HECW1: variants seen among roughly 807,000 people sequenced by gnomAD.
HECW1 encodes E3 ubiquitin-protein ligase HECW1.
In HECW1, 61 loss-of-function variants were observed where a neutral mutation model predicts 182.3. That is an observed-to-expected ratio of 0.33 (90% CI 0.27 to 0.41). HECW1 has a LOEUF of 0.41. Among genes scored for constraint, HECW1 ranks in the 10% least tolerant of loss-of-function variants. HECW1 has a pLI of 1.00. For missense variants in HECW1, 1,739 were observed against 2,108.9 expected (o/e 0.82, Z 3.44); for synonymous variants, 859 against 832.6 (o/e 1.03, Z -0.55).
chr7:43,312,993 G>T (rs78862114), intron 4 of HECW1, among the ~76,000 whole-genome samples: 1 of 152,116 alleles, frequency 6.6e-6, no homozygotes, highest in African/African-American at 2.4e-5. Context: ...ACACAACACC[G>T]GATTTAACAT....
chr7:43,237,874 T>G, intron 2 of HECW1, among the ~76,000 whole-genome samples: 1 of 149,682 alleles, frequency 6.7e-6, no homozygotes, highest in African/African-American at 2.5e-5. Context: ...AAGCGCTGAG[T>G]AGGACTTAGT....
At chr7:43,199,535 G>T (rs1794841784) in intron 2 of HECW1, among the ~76,000 whole-genome samples, 1 of 151,982 alleles carries the variant, frequency 6.6e-6, no homozygotes, top group South Asian at 2.1e-4. Flanking sequence ...ATAACCCTCT[G>T]GCAGGAAGTC....
At chr7:43,410,231 C>T (rs1319935923) in intron 8 of HECW1, among the ~76,000 whole-genome samples, 1 of 152,086 alleles carries the variant, frequency 6.6e-6, no homozygotes, top group African/African-American at 2.4e-5. Context: ...CTCAAAGTTC[C>T]GAAGCTGGGA....
chr7:43,393,292 T>A (rs2075108949), intron 6 of HECW1, among the ~76,000 whole-genome samples: 1 of 152,204 alleles, frequency 6.6e-6, no homozygotes. Context: ...GCCATGTCCC[T>A]GGCAGGCCTG....
intron 5 of HECW1, among the ~76,000 whole-genome samples, chr7:43,356,219 T>A (rs538123111): frequency 6.6e-6 from 1 of 152,208 alleles, no homozygotes; most frequent in Admixed American, 6.5e-5. Context: ...AAAAAGATAT[T>A]CCATGCAACT....
intron 2 of HECW1, among the ~76,000 whole-genome samples, chr7:43,189,694 T>C (rs1434529159): frequency 1.3e-5 from 2 of 152,232 alleles, no homozygotes; most frequent in Non-Finnish European, 2.9e-5. Context: ...TTTAAGTGAT[T>C]CATTACATAA....
intron 2 of HECW1, among the ~76,000 whole-genome samples, chr7:43,235,535 G>T (rs1281265346): frequency 6.6e-6 from 1 of 152,218 alleles, no homozygotes; most frequent in Non-Finnish European, 1.5e-5. Context: ...CCAGGACTTT[G>T]TGTGAGCTAC....
chr7:43,469,586 C>G (rs997481641), intron 16 of HECW1, among the ~76,000 whole-genome samples: 7 of 152,140 alleles, frequency 4.6e-5, no homozygotes, highest in African/African-American at 9.7e-5. Context: ...GCCTAACAAG[C>G]AGGGTGGGGT....
chr7:43,475,226 T>C (rs1206246504), intron 16 of HECW1, among the ~76,000 whole-genome samples: 1 of 152,214 alleles, frequency 6.6e-6, no homozygotes, highest in Non-Finnish European at 1.5e-5. Flanking sequence ...GGTGATAGTC[T>C]ACAATGCAAA....
Position 43,533,967 on chromosome 7 carries a change from T to A in HECW1, c.4020-7196T>A, listed in dbSNP as rs138158094. On this transcript the variant is annotated intron_variant, in intron 24 of 29. Coordinates refer to ENST00000395891, the MANE Select transcript of HECW1 (RefSeq NM_015052.5). The stretch of plus-strand genomic sequence containing the variant: ...GGGCAACAGATCAAGAAGAAGAGAC[T>A]AAGAAGGTCACCCAAAGCAGGAGAC... 5.3e-4 allele frequency among the ~76,000 whole-genome samples: 80 copies of A among 152,242 alleles called. 1 individual carries two copies. The highest frequency in any genetic ancestry group is 1.8e-3 in the African/African-American group (76 of 41,534).
At chr7:43,209,876 C>T (rs1027920828) in intron 2 of HECW1, among the ~76,000 whole-genome samples, 5 of 152,156 alleles carry the variant, frequency 3.3e-5, no homozygotes, top group African/African-American at 9.7e-5. Context: ...CATTGGCGTT[C>T]ACCCCGAGGT....
intron 4 of HECW1, 74 bp from the exon 5 acceptor site, chr7:43,320,561 T>G: frequency 9.6e-7 from 1 of 1,047,070 alleles, no homozygotes; most frequent in Non-Finnish European, 1.5e-6. Context: ...TATCCTTTGC[T>G]TTTCTTTTAT....
chr7:43,341,661 A>G (rs1243725524), intron 5 of HECW1, among the ~76,000 whole-genome samples: 1 of 151,810 alleles, frequency 6.6e-6, no homozygotes, highest in Non-Finnish European at 1.5e-5. Context: ...TGTTTATTAA[A>G]CATTTATGAC....
At chr7:43,502,652 C>A (rs921317714) in intron 21 of HECW1, among the ~76,000 whole-genome samples, 2 of 152,074 alleles carry the variant, frequency 1.3e-5, no homozygotes, top group African/African-American at 4.8e-5. Context: ...CAGAGCAAGA[C>A]CCTGTCTCAA....
At chr7:43,409,750 G>A (rs2075735212) in intron 8 of HECW1, among the ~76,000 whole-genome samples, 1 of 152,192 alleles carries the variant, frequency 6.6e-6, no homozygotes, top group African/African-American at 2.4e-5. Context: ...TAAACAGTGT[G>A]TAACTGGCTA....
intron 14 of HECW1, among the ~76,000 whole-genome samples, chr7:43,465,103 G>A (rs749712048): frequency 6.6e-6 from 1 of 152,126 alleles, no homozygotes. Flanking sequence ...CACCTGGCCT[G>A]TTATTAATTT....
chr7:43,250,735 C>A (rs1283113098), intron 3 of HECW1, among the ~76,000 whole-genome samples: 4 of 152,110 alleles, frequency 2.6e-5, no homozygotes, highest in African/African-American at 9.7e-5. Context: ...TATTTGGCTG[C>A]CGGTGCTTTT....
At chr7:43,257,412 G>A (rs560563321) in intron 3 of HECW1, among the ~76,000 whole-genome samples, 46 of 152,210 alleles carry the variant, frequency 3.0e-4, no homozygotes, top group African/African-American at 9.6e-4. Context: ...AATCACTAAC[G>A]TAGGCAGTAA....
intron 11 of HECW1, among the ~76,000 whole-genome samples, chr7:43,447,742 C>A (rs537521390): frequency 1.3e-5 from 2 of 152,202 alleles, no homozygotes; most frequent in African/African-American, 2.4e-5. Flanking sequence ...CTGCCTGATA[C>A]GTGATTGTGT....
Sources: gnomAD v4.1 joint callset for allele counts (sites outside exome capture counted in the v4.1 genomes callset) on GRCh38, gnomAD v4.1.1 for gene constraint, MANE v1.5 for transcripts, NCBI Gene and HGNC (gene_info 2026-07-23, HGNC 2026-07-21) for gene names.